The following WWTR1 variants were observed in gnomAD, a reference collection of about 807,000 sequenced individuals.
WWTR1 encodes WW domain containing transcription regulator 1, also known as WW domain-containing transcription regulator protein 1.
In WWTR1, 13 loss-of-function variants were observed where a neutral mutation model predicts 40.1. The observed-to-expected ratio is 0.32, with a 90% confidence interval of 0.21 to 0.52. The LOEUF (loss-of-function observed/expected upper bound fraction) is 0.52, where lower values mean the gene tolerates loss of function less well. Among genes scored for constraint, WWTR1 ranks in the 20% least tolerant of loss-of-function variants. The pLI, the probability that WWTR1 is intolerant of heterozygous loss-of-function variation, is 0.97. For synonymous variants in WWTR1, 230 were observed against 210.1 expected (o/e 1.09, Z -0.82); for missense variants, 436 against 523.1 (o/e 0.83, Z 1.63).
rs188422522 is a variant in WWTR1 at position 149,610,228 on chromosome 3, A to G, written c.432-37228T>C. On this transcript the variant is annotated intron_variant, in intron 2 of 6. Transcript: ENST00000360632. ...AAATTTTCAACTTTCCAGTTTTCCAATTACAAGCAAAGTACCAAATTCATA... is the reference window on the plus strand; with the variant it reads ...AAATTTTCAACTTTCCAGTTTTCCAGTTACAAGCAAAGTACCAAATTCATA... 3.3e-5 allele frequency among the ~76,000 whole-genome samples: 5 copies of G among 152,334 alleles called. No individual in the cohort carries two copies. In the East Asian group the frequency reaches 7.7e-4, roughly 23 times the overall value.
intron 4 of WWTR1, among the ~76,000 whole-genome samples, chr3:149,539,395 T>C (rs1003280240): frequency 1.6e-4 from 25 of 152,164 alleles, no homozygotes; most frequent in Admixed American, 1.4e-3. Context: ...AAAGAGAGCA[T>C]AGCCTGGGGC....
chr3:149,651,043 GATGCTTTAAAT>G (rs1712836687), intron 2 of WWTR1, among the ~76,000 whole-genome samples: 1 of 152,210 alleles, frequency 6.6e-6, no homozygotes, highest in South Asian at 2.1e-4. Flanking sequence ...CTGTGCGCCA[GATGCTTTAAAT>G]ATGCTCATCT....
intron 3 of WWTR1, among the ~76,000 whole-genome samples, chr3:149,564,629 A>C (rs956173339): frequency 2.6e-5 from 4 of 152,122 alleles, no homozygotes; most frequent in Admixed American, 1.3e-4. Context: ...CTTACTCAAC[A>C]CATTTATTCT....
intron 2 of WWTR1, among the ~76,000 whole-genome samples, chr3:149,625,767 G>C (rs952519999): frequency 5.3e-5 from 8 of 151,664 alleles, no homozygotes; most frequent in Admixed American, 5.3e-4. Context: ...CTCCAGCCTG[G>C]GCGACACAGC....
chr3:149,538,489 T>A (rs1329895409), intron 4 of WWTR1, among the ~76,000 whole-genome samples: 4 of 152,148 alleles, frequency 2.6e-5, no homozygotes. Context: ...ACTTGAAGTG[T>A]CTGCCGCATT....
chr3:149,603,854 CAAAAAAAAA>C (rs370980729), intron 2 of WWTR1, among the ~76,000 whole-genome samples: 1 of 83,294 alleles, frequency 1.2e-5, no homozygotes, highest in Non-Finnish European at 2.3e-5. Context: ...AGCGGCATAC[CAAAAAAAAA>C]AAAAAAAAAA....
intron 2 of WWTR1, among the ~76,000 whole-genome samples, chr3:149,665,946 G>A (rs1713797184): frequency 1.3e-5 from 2 of 152,100 alleles, no homozygotes. Context: ...GAATTTCAAG[G>A]TGCTCAATAT....
chr3:149,614,440 G>C (rs948765923), intron 2 of WWTR1, among the ~76,000 whole-genome samples: 2 of 152,164 alleles, frequency 1.3e-5, no homozygotes, highest in Non-Finnish European at 2.9e-5. Flanking sequence ...TATATGTGTA[G>C]TAGACTATAC....
intron 2 of WWTR1, among the ~76,000 whole-genome samples, chr3:149,606,917 C>T (rs16862023): frequency 0.062 from 9,502 of 152,228 alleles, 685 homozygotes; most frequent in East Asian, 0.22. Flanking sequence ...AAAAGAACTG[C>T]GAGGCATCCA....
In WWTR1 at chr3:149,646,733, C is replaced by T. The variant is rs186683956; in HGVS notation, c.431+10143G>A. 8.5e-5 allele frequency among the ~76,000 whole-genome samples: 13 copies of T among 152,286 alleles called. No homozygotes were observed. In the East Asian group the frequency reaches 2.5e-3, roughly 29 times the overall value. On this transcript the variant is annotated intron_variant, in intron 2 of 6. Coordinates refer to ENST00000360632, the MANE Select transcript of WWTR1 (RefSeq NM_015472.6). ...ATTAGATAACCGACTAGCTAGCTAA[C>T]AAATTAGATGGGAACCGGAGAGCTG... is the stretch of plus-strand genomic sequence containing the variant.
chr3:149,617,645 T>C lies in WWTR1; in HGVS notation c.431+39231A>G, dbSNP rs1207688648. Among the ~76,000 whole-genome samples the C allele has an allele frequency of 3.3e-5, 5 of 152,198 alleles. No homozygotes were observed. The East Asian group carries it at 7.7e-4, about 24-fold the overall frequency. ...TGAAATCCTGTCTTCACTAAAAATA[T>C]GAAAATTAGCTGGGCATGGTGGTAC... On this transcript the variant is annotated intron_variant, in intron 2 of 6. Transcript: ENST00000360632.
intron 2 of WWTR1, among the ~76,000 whole-genome samples, chr3:149,603,846 C>T (rs939612311): frequency 1.2e-4 from 13 of 107,008 alleles, no homozygotes; most frequent in Non-Finnish European, 2.3e-4. Context: ...GCTACATAAG[C>T]GGCATACCAA....
At chr3:149,718,795 A>T (rs1422753946) in intron 4 of WWTR1, among the ~76,000 whole-genome samples, 1 of 151,700 alleles carries the variant, frequency 6.6e-6, no homozygotes, top group South Asian at 2.1e-4. Flanking sequence ...TCCATGTTGT[A>T]GCATGCCTCA....
intron 1 of WWTR1, among the ~76,000 whole-genome samples, chr3:149,673,114 G>T (rs1181633264): frequency 6.6e-6 from 1 of 152,080 alleles, no homozygotes; most frequent in Admixed American, 6.5e-5. Context: ...AGTGGCTCAC[G>T]CCTGTAATCC....
Position 149,657,037 on chromosome 3 carries a change from C to A in WWTR1, c.270G>T (p.Ser90=), listed in dbSNP as rs758204408. The change falls in exon 2 of 7, where the codon TCG becomes TCT. Residue 90 remains serine, a synonymous_variant. Transcript: ENST00000360632. The part of the protein sequence containing the change: ...GGAQHVRSHS[S]PASLQLGTGA... ...CGGTGCCCAGCTGCAGGGACGCGGG[C>A]GACGAGTGCGAGCGGACATGCTGGG... 1 of 1,581,368 alleles carries A rather than the reference C, an allele frequency of 6.3e-7. No individual in the cohort carries two copies. The highest frequency in any genetic ancestry group is 8.6e-7 in the Non-Finnish European group (1 of 1,168,856).
rs554806417 is a variant in WWTR1, at chr3:149,668,982, G to A, written c.-4+806C>T. Among the ~76,000 whole-genome samples, 4 of 152,284 alleles carry A rather than the reference G, an allele frequency of 2.6e-5. No homozygotes were observed. The East Asian group carries it at 7.7e-4, about 29-fold the overall frequency. On this transcript the variant is annotated intron_variant, in intron 2 of 7. Coordinates refer to the WWTR1 transcript ENST00000465804. ...GACTTTCTGGTCAGCTTTGCTAAAT[G>A]AGTAACTTTACAGCCTCCAACACAA...
At chr3:149,647,059 CA>C (rs1712573942) in intron 2 of WWTR1, among the ~76,000 whole-genome samples, 1 of 151,632 alleles carries the variant, frequency 6.6e-6, no homozygotes. Context: ...AAAGAAGGTG[CA>C]GAAGAGTGTG....
At chr3:149,630,765 G>A (rs1007664541) in intron 2 of WWTR1, among the ~76,000 whole-genome samples, 5 of 152,172 alleles carry the variant, frequency 3.3e-5, no homozygotes, top group African/African-American at 7.2e-5. Context: ...CAGGATCATG[G>A]TGTAGACCAA....
chr3:149,635,966 G>C (rs1027612482), intron 2 of WWTR1, among the ~76,000 whole-genome samples: 1 of 152,092 alleles, frequency 6.6e-6, no homozygotes, highest in Non-Finnish European at 1.5e-5. Context: ...TCTGAGATCT[G>C]AAAAGATGAT....
Sources: gnomAD v4.1 joint callset for allele counts (sites outside exome capture counted in the v4.1 genomes callset) on GRCh38, gnomAD v4.1.1 for gene constraint, MANE v1.5 for transcripts, NCBI Gene and HGNC (gene_info 2026-07-23, HGNC 2026-07-21) for gene names.